Variants in SUSD5 observed in about 807,000 individuals in gnomAD.
SUSD5 encodes the protein sushi domain containing 5.
SUSD5 carries 33 observed loss-of-function variants against 29.5 expected under a neutral mutation model. That is an observed-to-expected ratio of 1.12 (90% CI 0.85 to 1.49). The LOEUF (loss-of-function observed/expected upper bound fraction) is 1.49. Among genes scored for constraint, SUSD5 ranks in the 40% most tolerant of loss-of-function variants. The pLI is 0.00. For missense variants in SUSD5, 776 were observed against 800.6 expected (o/e 0.97, Z 0.37); for synonymous variants, 308 against 325.3 (o/e 0.95, Z 0.57).
rs200709234 is a variant in SUSD5, at chr3:33,152,770, T to C, written c.1862A>G (p.His621Arg). The change falls in exon 5 of 5, where the codon CAC becomes CGC. Residue 621 changes from histidine to arginine, a missense_variant. Coordinates refer to ENST00000309558, the MANE Select transcript of SUSD5 (RefSeq NM_015551.2). ...GACCTTCTCCATCTCGATCTGCTGG[T>C]GGTAGTGCCGAGCCTGCCGCTGGCC... ...NVGQRQARHY[H>R]QQIEMEKV 1.1e-4 allele frequency: 184 copies of C among 1,612,840 alleles called. No homozygotes were observed. The African/African-American group carries it at 2.2e-3, about 20-fold the overall frequency.
chr3:33,202,521 C>A (rs2032139988), intron 3 of SUSD5, among the ~76,000 whole-genome samples: 1 of 152,046 alleles, frequency 6.6e-6, no homozygotes, highest in South Asian at 2.1e-4. Flanking sequence ...GTGAAGTGGG[C>A]TGGGGAGAGG....
At chr3:33,158,964 A>G (rs1393806856) in intron 4 of SUSD5, among the ~76,000 whole-genome samples, 1 of 152,202 alleles carries the variant, frequency 6.6e-6, no homozygotes, top group East Asian at 1.9e-4. Context: ...CCCAGATTCT[A>G]TTTTATTCCA....
chr3:33,183,739 C>T (rs2031719619), intron 3 of SUSD5, among the ~76,000 whole-genome samples: 1 of 151,888 alleles, frequency 6.6e-6, no homozygotes, highest in Admixed American at 6.6e-5. Context: ...ATATCATTTC[C>T]CTGCTCCCTA....
intron 4 of SUSD5, among the ~76,000 whole-genome samples, chr3:33,155,115 AAAAGCTACCAC>A (rs778616723): frequency 1.2e-4 from 18 of 152,260 alleles, no homozygotes; most frequent in Non-Finnish European, 1.9e-4. Flanking sequence ...TCTGTTCATT[AAAAGCTACCAC>A]AAAGAGAGTT....
intron 4 of SUSD5, among the ~76,000 whole-genome samples, chr3:33,163,883 C>T (rs1478284264): frequency 6.6e-6 from 1 of 152,162 alleles, no homozygotes; most frequent in Non-Finnish European, 1.5e-5. Context: ...ACCTGTAGTC[C>T]CAGCTACTTG....
intron 4 of SUSD5, among the ~76,000 whole-genome samples, chr3:33,163,379 T>G (rs1477848311): frequency 6.6e-6 from 1 of 151,922 alleles, no homozygotes; most frequent in Non-Finnish European, 1.5e-5. Flanking sequence ...AGTTAATATA[T>G]TAAAAGAATA....
intron 3 of SUSD5, among the ~76,000 whole-genome samples, chr3:33,182,779 C>T (rs1461064877): frequency 6.6e-6 from 1 of 151,988 alleles, no homozygotes; most frequent in African/African-American, 2.4e-5. Context: ...GTATATCTTT[C>T]TCCATCCCTT....
At chr3:33,208,881 TA>T (rs1213981895) in intron 2 of SUSD5, among the ~76,000 whole-genome samples, 10 of 152,200 alleles carry the variant, frequency 6.6e-5, no homozygotes, top group Non-Finnish European at 1.2e-4. Flanking sequence ...TTCAATTACA[TA>T]ATTTCAATTG....
At chr3:33,201,851 C>G (rs1575543014) in intron 3 of SUSD5, among the ~76,000 whole-genome samples, 1 of 152,304 alleles carries the variant, frequency 6.6e-6, no homozygotes, top group Non-Finnish European at 1.5e-5. Context: ...CCCTGTTCTT[C>G]CTGTCCGCCA....
intron 3 of SUSD5, among the ~76,000 whole-genome samples, chr3:33,200,603 G>A (rs928863551): frequency 4.6e-5 from 7 of 152,128 alleles, no homozygotes; most frequent in Admixed American, 1.3e-4. Context: ...ATGGACCATC[G>A]AGGGCAATTC....
chr3:33,174,977 T>A lies in SUSD5; in HGVS notation c.507A>T (p.Pro169=). Residue 169 remains proline, a synonymous_variant, in exon 4 of 5, where the codon CCA becomes CCT. Coordinates refer to ENST00000309558, the MANE Select transcript of SUSD5 (RefSeq NM_015551.2). ...MGDELLYVCA[P]GHIMGHRETA... is the part of the protein sequence containing the mutation. Reference sequence around the variant, plus strand: ...TCTCCCGGTGGCCCATGATGTGGCCTGGGGCACACACGTACAGCAGTTCAT... The same window carrying A: ...TCTCCCGGTGGCCCATGATGTGGCCAGGGGCACACACGTACAGCAGTTCAT... The A allele has an allele frequency of 6.2e-7, 1 of 1,613,994 alleles. No homozygotes were observed. The highest frequency in any genetic ancestry group is 8.5e-7 in the Non-Finnish European group (1 of 1,179,880).
chr3:33,171,168 C>T (rs997727059), intron 4 of SUSD5, among the ~76,000 whole-genome samples: 3 of 152,026 alleles, frequency 2.0e-5, no homozygotes, highest in South Asian at 2.1e-4. Flanking sequence ...GCCAACATGG[C>T]GAAACCCCAT....
intron 4 of SUSD5, among the ~76,000 whole-genome samples, chr3:33,170,206 AC>A (rs1448618054): frequency 6.6e-6 from 1 of 152,212 alleles, no homozygotes; most frequent in Non-Finnish European, 1.5e-5. Context: ...GGCATGAGCC[AC>A]CGCGCCCGGC....
chr3:33,179,260 CCT>C (rs1328547537), intron 3 of SUSD5, among the ~76,000 whole-genome samples: 2 of 152,056 alleles, frequency 1.3e-5, no homozygotes, highest in Non-Finnish European at 2.9e-5. Flanking sequence ...AGTGATGTCC[CCT>C]CTTTTTTTTA....
At position 33,214,104 on chromosome 3, in the gene SUSD5, T is replaced by C; in HGVS notation, c.114A>G (p.Gly38=). The C allele has an allele frequency of 1.3e-6, 2 of 1,595,170 alleles. No homozygotes were observed. The highest frequency in any genetic ancestry group is 1.7e-6 in the Non-Finnish European group (2 of 1,172,000). Residue 38 remains glycine, a splice_region_variant and synonymous_variant, in exon 2 of 5, where the codon GGA becomes GGG. Transcript: ENST00000309558. ...TCTGAGACTCCAGCACAAAGAACTTTCCTGTGTGGGAACAAGAACAAACAC... is the reference window on the plus strand; with the variant it reads ...TCTGAGACTCCAGCACAAAGAACTTCCCTGTGTGGGAACAAGAACAAACAC... ...GLPRLSVRAD[G]KFFVLESQNG...
At chr3:33,165,080 T>C (rs939188698) in intron 4 of SUSD5, among the ~76,000 whole-genome samples, 48 of 152,004 alleles carry the variant, frequency 3.2e-4, no homozygotes, top group African/African-American at 1.2e-3. Context: ...GAGGAATACA[T>C]GTAACATGGT....
chr3:33,161,653 G>C lies in SUSD5; in HGVS notation c.599-7620C>G, dbSNP rs114578568. On this transcript the variant is annotated intron_variant, in intron 4 of 4. Coordinates refer to ENST00000309558, the MANE Select transcript of SUSD5 (RefSeq NM_015551.2). ...ACACTTTAAATATAAGTACACAGAT[G>C]AGTTGAAAGTAAAAGAATTAAAAAA... Among the ~76,000 whole-genome samples, 365 of 152,150 alleles carry C rather than the reference G, an allele frequency of 2.4e-3. 4 individuals are homozygous for C. Among genetic ancestry groups the C allele is most frequent in the African/African-American group, 8.3e-3 (345 of 41,542 alleles).
At chr3:33,203,032 C>T (rs4395351) in intron 3 of SUSD5, among the ~76,000 whole-genome samples, 43,988 of 152,040 alleles carry the variant, frequency 0.29, 7,059 homozygotes, top group Non-Finnish European at 0.36. Flanking sequence ...GAATACTGCA[C>T]GGAAGCATCT....
At chr3:33,217,569 G>A (rs1368908884) in intron 1 of SUSD5, among the ~76,000 whole-genome samples, 3 of 152,118 alleles carry the variant, frequency 2.0e-5, no homozygotes, top group African/African-American at 4.8e-5. Flanking sequence ...GGAGAAATAC[G>A]ACATTCATCC....
Sources: gnomAD v4.1 joint callset for allele counts (sites outside exome capture counted in the v4.1 genomes callset) on GRCh38, gnomAD v4.1.1 for gene constraint, MANE v1.5 for transcripts, NCBI Gene and HGNC (gene_info 2026-07-23, HGNC 2026-07-21) for gene names.